The following CBR4 variants were observed in gnomAD, a reference collection of about 807,000 sequenced individuals.
CBR4 encodes carbonyl reductase 4.
CBR4 carries 22 observed loss-of-function variants against 21.0 expected under a neutral mutation model. The observed-to-expected ratio is 1.05, with a 90% confidence interval of 0.75 to 1.50. The LOEUF is 1.50. Ranked by LOEUF, CBR4 falls within the 40% of genes most tolerant of loss-of-function variation. The pLI is 0.00. For synonymous variants in CBR4, 100 were observed against 104.4 expected (o/e 0.96, Z 0.26); for missense variants, 302 against 286.3 (o/e 1.05, Z -0.40).
chr4:168,982,748 A>AATC (rs2126786664), downstream of CBR4, among the ~76,000 whole-genome samples: 1 of 152,232 alleles, frequency 6.6e-6, no homozygotes, highest in East Asian at 1.9e-4. Context: ...TAAAAACAGA[A>AATC]ATCAATACTG....
chr4:168,954,605 A>G (rs1763632845), intron 2 of CBR4, among the ~76,000 whole-genome samples: 1 of 152,228 alleles, frequency 6.6e-6, no homozygotes, highest in South Asian at 2.1e-4. Flanking sequence ...CACTCAGTCA[A>G]TTTAGTATAT....
intron 3 of CBR4, among the ~76,000 whole-genome samples, chr4:169,005,027 C>T (rs185181327): frequency 6.6e-6 from 1 of 152,080 alleles, no homozygotes; most frequent in Admixed American, 6.5e-5. Context: ...AGAAAACATT[C>T]CAAACATTTC....
rs182567903 is a variant in CBR4 at position 168,926,604 on chromosome 4, G to A, written n.170-31839C>T. 3.7e-5 allele frequency: 17 copies of A among 453,810 alleles called. No homozygotes were observed. In the South Asian group the frequency reaches 5.2e-4, roughly 14 times the overall value. 28.1% of individuals were successfully genotyped at this position (453,810 alleles called of 1,614,324 possible). Reference sequence around the variant, plus strand: ...ATTGCACAGAAAATACACATTTACTGTCCAATTTAAAACTTTGGAATTGCT... The same window carrying A: ...ATTGCACAGAAAATACACATTTACTATCCAATTTAAAACTTTGGAATTGCT... On this transcript the variant is annotated intron_variant and non_coding_transcript_variant, in intron 2 of 3. Coordinates refer to the CBR4 transcript ENST00000509108.
At chr4:169,004,185 G>A (rs990471683) in intron 3 of CBR4, among the ~76,000 whole-genome samples, 2 of 152,102 alleles carry the variant, frequency 1.3e-5, no homozygotes, top group East Asian at 1.9e-4. Context: ...AAGACCCTCC[G>A]CCAGCAAAGA....
At chr4:168,959,250 T>A (rs536026078) in intron 2 of CBR4, among the ~76,000 whole-genome samples, 32 of 152,326 alleles carry the variant, frequency 2.1e-4, no homozygotes, top group African/African-American at 7.2e-4. Flanking sequence ...TTTTTTCACA[T>A]GGCTATCCAG....
intron 2 of CBR4, among the ~76,000 whole-genome samples, chr4:168,941,957 C>T (rs757430185): frequency 6.6e-6 from 1 of 152,130 alleles, no homozygotes; most frequent in African/African-American, 2.4e-5. Flanking sequence ...GCCGTATTTA[C>T]AGTAGCAAAG....
At chr4:169,005,561 A>G (rs1730840215) in intron 3 of CBR4, among the ~76,000 whole-genome samples, 1 of 152,200 alleles carries the variant, frequency 6.6e-6, no homozygotes, top group African/African-American at 2.4e-5. Flanking sequence ...TGGGTTTTTT[A>G]AATACACCTA....
chr4:169,001,685 T>C (rs564087101), intron 4 of CBR4: 1 of 153,302 alleles, frequency 6.5e-6, no homozygotes, highest in South Asian at 2.1e-4. Context: ...CTCTCTCTCT[T>C]GCTCCTGCTA....
intron 3 of CBR4, among the ~76,000 whole-genome samples, chr4:169,003,325 G>C (rs1437541294): frequency 6.6e-6 from 1 of 152,154 alleles, no homozygotes; most frequent in Non-Finnish European, 1.5e-5. Context: ...GACTTTGTGG[G>C]GTTCAAGACT....
intron 2 of CBR4, among the ~76,000 whole-genome samples, chr4:168,920,763 G>A (rs1315336012): frequency 6.6e-6 from 1 of 152,154 alleles, no homozygotes; most frequent in African/African-American, 2.4e-5. Flanking sequence ...CAGTTTCAAG[G>A]ATTATAAAAT....
At chr4:168,995,152 T>C (rs953251616) in intron 4 of CBR4, among the ~76,000 whole-genome samples, 6 of 152,190 alleles carry the variant, frequency 3.9e-5, no homozygotes, top group African/African-American at 1.2e-4. Context: ...ACTTTAGGAA[T>C]GTAAGTTCCC....
In CBR4 at chr4:169,010,209, C is replaced by CAA; in HGVS notation, c.-122_-121dup. 1.4e-6 allele frequency: 1 copy of CAA among 732,188 alleles called. No homozygotes were observed. The highest frequency in any genetic ancestry group is 2.0e-6 in the Non-Finnish European group (1 of 499,250). The allele number at this position is 732,188 out of a possible 1,614,324, so 45.4% of individuals were successfully genotyped here. A position where few individuals can be genotyped will look rare whatever the true frequency, so the allele number is the denominator to read the frequency against. ...AAAAAAGAAAAAAAAAGGCAAACCGCAAAAAAAAATAACGCCGCTCGACAC... is the reference window on the plus strand; with the variant it reads ...AAAAAAGAAAAAAAAAGGCAAACCGCAAAAAAAAAAATAACGCCGCTCGACAC... On this transcript the variant is annotated 5_prime_UTR_variant, in exon 1 of 5. Transcript: ENST00000306193.
At position 169,006,775 on chromosome 4, in the gene CBR4, C is replaced by T. The variant is rs1229816511; in HGVS notation, c.380G>A (p.Gly127Glu). 6.2e-7 allele frequency: 1 copy of T among 1,613,798 alleles called. No homozygotes were observed. Among genetic ancestry groups the T allele is most frequent in the Admixed American group, 1.7e-5 (1 of 60,026 alleles). Reference sequence around the variant, plus strand: ...CTCACCTACATTAACAATAGACCCTCCCTGTTGTTGAATCATAGTCCTCAT... The same window carrying T: ...CTCACCTACATTAACAATAGACCCTTCCTGTTGTTGAATCATAGTCCTCAT... Reference protein sequence around the residue: ...AAMRTMIQQQGGSIVNVGSIV... With the variant: ...AAMRTMIQQQEGSIVNVGSIV... Residue 127 changes from glycine to glutamate, a missense_variant, in exon 3 of 5, where the codon GGA (glycine) becomes GAA (glutamate). Transcript: ENST00000306193.
At chr4:169,009,706 G>A (rs942979302) in intron 1 of CBR4, among the ~76,000 whole-genome samples, 1 of 152,248 alleles carries the variant, frequency 6.6e-6, no homozygotes. Flanking sequence ...AGGTCTCAAA[G>A]AACACCCCAA....
chr4:168,924,397 C>T lies in CBR4; in HGVS notation n.170-29632G>A, dbSNP rs770518692. The T allele has an allele frequency of 5.0e-6, 8 of 1,613,816 alleles. No homozygotes were observed. The highest frequency in any genetic ancestry group is 2.7e-5 in the African/African-American group (2 of 74,914). On this transcript the variant is annotated intron_variant and non_coding_transcript_variant, in intron 2 of 3. Coordinates refer to the CBR4 transcript ENST00000509108. ...TTTGGAAGAAAGAAAATGAATCACT[C>T]ACTCACAGCACTGACCGAGTGAGGT...
chr4:168,982,493 A>G (rs1764574096), intron 2 of CBR4, among the ~76,000 whole-genome samples: 1 of 152,102 alleles, frequency 6.6e-6, no homozygotes, highest in Non-Finnish European at 1.5e-5. Context: ...ATCCCACTGA[A>G]AGTACTGGGC....
chr4:168,992,037 T>C (rs1764949651), intron 4 of CBR4, among the ~76,000 whole-genome samples: 1 of 152,214 alleles, frequency 6.6e-6, no homozygotes, highest in Non-Finnish European at 1.5e-5. Flanking sequence ...ATTGGTTTAT[T>C]ATGCAATACT....
chr4:168,947,751 T>C (rs1763431855), intron 2 of CBR4, among the ~76,000 whole-genome samples: 1 of 152,180 alleles, frequency 6.6e-6, no homozygotes, highest in African/African-American at 2.4e-5. Flanking sequence ...CGTACATATA[T>C]ATCACAGTTT....
At chr4:168,927,304 C>T (rs1382731008) in intron 2 of CBR4, 1 of 231,706 alleles carries the variant, frequency 4.3e-6, no homozygotes, top group Non-Finnish European at 8.6e-6. Flanking sequence ...AAAGGCCAGG[C>T]TTTTCTTTGG....
Sources: allele counts gnomAD v4.1 joint callset (sites outside exome capture counted in the v4.1 genomes callset), GRCh38; gene constraint gnomAD v4.1.1; transcripts MANE v1.5; gene names NCBI Gene and HGNC (gene_info 2026-07-23, HGNC 2026-07-21).